The following RIN2 variants were observed in gnomAD, a reference collection of about 807,000 sequenced individuals.
The protein encoded by RIN2 is RAB5 interacting protein 2.
In RIN2, 36 loss-of-function variants were observed where a neutral mutation model predicts 78.0. That is an observed-to-expected ratio of 0.46 (90% CI 0.35 to 0.61). The LOEUF (loss-of-function observed/expected upper bound fraction) is 0.61, where lower values mean the gene tolerates loss of function less well. Ranked by LOEUF, RIN2 falls within the 20% of genes least tolerant of loss-of-function variation. RIN2 has a pLI of 0.00. For missense variants in RIN2, 1,087 were observed against 1,159.7 expected (o/e 0.94, Z 0.91); for synonymous variants, 466 against 466.8 (o/e 1.00, Z 0.02).
chr20:19,798,899 T>A (rs1189817343), intron 1 of RIN2, among the ~76,000 whole-genome samples: 1 of 149,730 alleles, frequency 6.7e-6, no homozygotes, highest in Non-Finnish European at 1.5e-5. Flanking sequence ...TAGGATAATA[T>A]AGTAATTTTT....
intron 2 of RIN2, among the ~76,000 whole-genome samples, chr20:19,826,542 A>G (rs189747406): frequency 6.6e-6 from 1 of 152,304 alleles, no homozygotes; most frequent in East Asian, 1.9e-4. Context: ...AGTAAATTTA[A>G]GGAAAATTCA....
intron 1 of RIN2, among the ~76,000 whole-genome samples, chr20:19,798,137 C>T (rs1213480060): frequency 6.6e-6 from 1 of 152,154 alleles, no homozygotes; most frequent in Non-Finnish European, 1.5e-5. Flanking sequence ...AGGTGTGAGC[C>T]ACCACGCCCG....
chr20:19,947,216 T>C (rs1180025161), intron 4 of RIN2, among the ~76,000 whole-genome samples: 1 of 151,668 alleles, frequency 6.6e-6, no homozygotes, highest in Admixed American at 6.6e-5. Flanking sequence ...AATATCAAAA[T>C]TGGGCTAGGC....
At chr20:19,884,447 T>G (rs963286804) in intron 2 of RIN2, among the ~76,000 whole-genome samples, 21 of 152,056 alleles carry the variant, frequency 1.4e-4, no homozygotes, top group Non-Finnish European at 2.6e-4. Context: ...AAAATTAAAA[T>G]TAAAACACTG....
intron 2 of RIN2, chr20:19,809,536 G>A (rs567104642): frequency 1.3e-5 from 2 of 152,472 alleles, no homozygotes; most frequent in African/African-American, 4.8e-5. Flanking sequence ...TGCATCCTTC[G>A]AATGTCCTGA....
Position 19,991,602 on chromosome 20 carries a change from A to G in RIN2, c.2069-566A>G, listed in dbSNP as rs561577656. Among the ~76,000 whole-genome samples, 32 of 152,364 alleles carry G rather than the reference A, an allele frequency of 2.1e-4. No individual in the cohort carries two copies. The South Asian group carries it at 5.4e-3, about 26-fold the overall frequency. ...GAGAACCACTGATGTAAAGAAAACTAGAAGTAAACACTAACATTTTTTGCC... is the reference window on the plus strand; with the variant it reads ...GAGAACCACTGATGTAAAGAAAACTGGAAGTAAACACTAACATTTTTTGCC... On this transcript the variant is annotated intron_variant, in intron 10 of 12. Transcript: ENST00000255006.
At chr20:19,934,552 A>G (rs1283642965) in intron 3 of RIN2, 1 of 984,994 alleles carries the variant, frequency 1.0e-6, no homozygotes. Flanking sequence ...CCTTTCCCCA[A>G]CAATCTTCTC....
At chr20:19,784,137 C>A (rs912945807) in intron 1 of RIN2, among the ~76,000 whole-genome samples, 2 of 152,222 alleles carry the variant, frequency 1.3e-5, no homozygotes, top group South Asian at 4.1e-4. Flanking sequence ...AAATCACATG[C>A]GGCTTTGCCA....
chr20:19,935,204 C>A lies in RIN2; in HGVS notation c.158+5C>A. On this transcript the variant is annotated splice_donor_5th_base_variant and intron_variant, in intron 4 of 12. Coordinates refer to ENST00000255006, the MANE Select transcript of RIN2 (RefSeq NM_018993.4). Reference sequence around the variant, plus strand: ...GGAACCCGCTGAAACCCACAGGTGACCAGAGACACGGTTAGGTGATGGGTG... The same window carrying A: ...GGAACCCGCTGAAACCCACAGGTGAACAGAGACACGGTTAGGTGATGGGTG... The A allele has an allele frequency of 6.3e-7, 1 of 1,590,582 alleles. No individual in the cohort carries two copies. The highest frequency in any genetic ancestry group is 8.6e-7 in the Non-Finnish European group (1 of 1,168,048).
At chr20:19,886,912 G>A in intron 2 of RIN2, 2 of 562,234 alleles carry the variant, frequency 3.6e-6, no homozygotes, top group Non-Finnish European at 6.4e-6. Context: ...GTATTAAATT[G>A]CTGTCAATAT....
chr20:19,861,004 A>G (rs2037316392), intron 2 of RIN2, among the ~76,000 whole-genome samples: 1 of 152,196 alleles, frequency 6.6e-6, no homozygotes, highest in Non-Finnish European at 1.5e-5. Context: ...TACAAATCCT[A>G]TGATAACATT....
At chr20:19,931,493 TTATCAATATAAACATTA>T (rs2040436860) in intron 3 of RIN2, among the ~76,000 whole-genome samples, 1 of 152,184 alleles carries the variant, frequency 6.6e-6, no homozygotes, top group African/African-American at 2.4e-5. Context: ...TTTCAACATG[TTATCAATATAAACATTA>T]TATGGATACA....
chr20:19,876,010 G>A (rs1420525776), intron 2 of RIN2, among the ~76,000 whole-genome samples: 4 of 152,202 alleles, frequency 2.6e-5, no homozygotes, highest in Non-Finnish European at 5.9e-5. Flanking sequence ...TTTGAGCCTG[G>A]GGTTGTCATT....
At chr20:19,959,130 C>T (rs940752375) in intron 5 of RIN2, among the ~76,000 whole-genome samples, 1 of 152,190 alleles carries the variant, frequency 6.6e-6, no homozygotes, top group Non-Finnish European at 1.5e-5. Flanking sequence ...CAAAAGCAGC[C>T]ATAGACAATA....
chr20:20,001,152 A>G lies in RIN2; in HGVS notation c.*216A>G. ...GTAGGATTCTCTTTTGGCAATGGAG[A>G]ATTGCATCTGATGGTTCAAGTGTCC... On this transcript the variant is annotated 3_prime_UTR_variant, in exon 13 of 13. Coordinates refer to ENST00000255006, the MANE Select transcript of RIN2 (RefSeq NM_018993.4). 1 of 549,152 alleles carries G rather than the reference A, an allele frequency of 1.8e-6. No homozygotes were observed. The highest frequency in any genetic ancestry group is 3.2e-6 in the Non-Finnish European group (1 of 308,142). The allele number at this position is 549,152 out of a possible 1,614,324, so 34.0% of individuals were successfully genotyped here. A position where few individuals can be genotyped will look rare whatever the true frequency, so the allele number is the denominator to read the frequency against.
chr20:19,934,061 C>T (rs898593601), intron 3 of RIN2, among the ~76,000 whole-genome samples: 1 of 152,110 alleles, frequency 6.6e-6, no homozygotes, highest in Non-Finnish European at 1.5e-5. Flanking sequence ...CTGCCTGCCT[C>T]GGCCTCCCAA....
chr20:19,952,837 G>C (rs6046480), intron 4 of RIN2, among the ~76,000 whole-genome samples: 52,666 of 151,972 alleles, frequency 0.35, 11,749 homozygotes, highest in African/African-American at 0.61. Flanking sequence ...TACCCATCCC[G>C]CGCCCGCAGC....
chr20:19,997,548 C>T (rs2043009392), intron 12 of RIN2, among the ~76,000 whole-genome samples: 1 of 152,154 alleles, frequency 6.6e-6, no homozygotes, highest in Non-Finnish European at 1.5e-5. Context: ...CACCTGAGGT[C>T]AGGAATTCGA....
At chr20:19,994,698 T>C (rs1200295523) in intron 11 of RIN2, among the ~76,000 whole-genome samples, 6 of 152,170 alleles carry the variant, frequency 3.9e-5, no homozygotes, top group Admixed American at 3.9e-4. Context: ...CCATACGGCC[T>C]TTCCTGAATA....
Sources: gnomAD v4.1 joint callset for allele counts (sites outside exome capture counted in the v4.1 genomes callset) on GRCh38, gnomAD v4.1.1 for gene constraint, MANE v1.5 for transcripts, NCBI Gene and HGNC (gene_info 2026-07-23, HGNC 2026-07-21) for gene names.